SMAD3: variants seen among roughly 807,000 people sequenced by gnomAD.
The protein encoded by SMAD3 is SMAD family member 3, also known as MAD homolog 3.
In SMAD3, 12 loss-of-function variants were observed where a neutral mutation model predicts 51.8. The observed-to-expected ratio is 0.23, with a 90% CI of 0.15 to 0.38. The LOEUF (loss-of-function observed/expected upper bound fraction) is 0.38, where lower values mean the gene tolerates loss of function less well. Ranked by LOEUF, SMAD3 falls within the 10% of genes least tolerant of loss-of-function variation. The probability of loss-of-function intolerance (pLI) is 1.00; values close to 1 mark genes in which losing one functional copy is unlikely to be tolerated. For missense variants in SMAD3, 294 were observed against 565.6 expected (o/e 0.52, Z 4.87); for synonymous variants, 238 against 227.7 (o/e 1.05, Z -0.41).
In SMAD3 at chr15:67,193,231, G is replaced by A. The variant is rs978378935; in HGVS notation, c.*2695G>A. 8.6e-6 allele frequency: 2 copies of A among 233,332 alleles called. No individual in the cohort carries two copies. The highest frequency in any genetic ancestry group is 1.7e-5 in the Non-Finnish European group (2 of 118,072). 14.5% of individuals were successfully genotyped at this position (233,332 alleles called of 1,614,324 possible). A position where few individuals can be genotyped will look rare whatever the true frequency, so the allele number is the denominator to read the frequency against. On this transcript the variant is annotated 3_prime_UTR_variant, in exon 9 of 9. Coordinates refer to ENST00000327367, the MANE Select transcript of SMAD3 (RefSeq NM_005902.4). ...AGGAAACCAGGGCAGTTCTAGAGGAGTGCTGGTGACTGGATAGCAGTTTTA... is the reference window on the plus strand; with the variant it reads ...AGGAAACCAGGGCAGTTCTAGAGGAATGCTGGTGACTGGATAGCAGTTTTA...
chr15:67,131,743 C>T (rs1013896138), intron 1 of SMAD3, among the ~76,000 whole-genome samples: 1 of 152,128 alleles, frequency 6.6e-6, no homozygotes, highest in African/African-American at 2.4e-5. Flanking sequence ...AAATGAAGCC[C>T]GATTTGCCAG....
intron 1 of SMAD3, among the ~76,000 whole-genome samples, chr15:67,103,127 C>T (rs117584337): frequency 0.025 from 3,818 of 152,222 alleles, 99 homozygotes; most frequent in Admixed American, 0.076. Flanking sequence ...TTCATCTGCC[C>T]AAATTTGATT....
intron 1 of SMAD3, among the ~76,000 whole-genome samples, chr15:67,158,852 C>G (rs1333312912): frequency 6.6e-6 from 1 of 152,160 alleles, no homozygotes; most frequent in Non-Finnish European, 1.5e-5. Context: ...TTGTTGAGGA[C>G]CTACCGTGTT....
chr15:67,076,347 G>A (rs1344804461), intron 1 of SMAD3, among the ~76,000 whole-genome samples: 1 of 152,200 alleles, frequency 6.6e-6, no homozygotes, highest in Non-Finnish European at 1.5e-5. Flanking sequence ...CTGGGGCGGG[G>A]GATGGGTAAG....
chr15:67,111,461 A>G (rs899136066), intron 1 of SMAD3, among the ~76,000 whole-genome samples: 4 of 152,182 alleles, frequency 2.6e-5, no homozygotes, highest in Non-Finnish European at 4.4e-5. Flanking sequence ...ATTTGTGTAC[A>G]AGCTTTTTTT....
rs569141431 is a variant in SMAD3, at chr15:67,107,107, A to C, written c.206+40747A>C. 5.7e-4 allele frequency among the ~76,000 whole-genome samples: 86 copies of C among 152,158 alleles called. 1 individual carries two copies. Among genetic ancestry groups the C allele is most frequent in the Admixed American group, 1.1e-3 (17 of 15,296 alleles). On this transcript the variant is annotated intron_variant, in intron 1 of 8. Transcript: ENST00000327367. The stretch of plus-strand genomic sequence containing the variant: ...CTCTCTCCCACCCAGGGCTCAGCAC[A>C]GTACCTGGAACAGTCAAGCCCTCAA...
intron 6 of SMAD3, among the ~76,000 whole-genome samples, chr15:67,183,031 A>ATATTTTTTTTTTTT (rs1156620400): frequency 3.4e-5 from 1 of 29,698 alleles, no homozygotes; most frequent in African/African-American, 1.7e-4. Flanking sequence ...ATATATATAT[A>ATATTTTTTTTTTTT]TTTTTTTTTT....
At chr15:67,068,039 A>G (rs1959968323) in intron 1 of SMAD3, among the ~76,000 whole-genome samples, 1 of 152,200 alleles carries the variant, frequency 6.6e-6, no homozygotes, top group Non-Finnish European at 1.5e-5. Flanking sequence ...TATCAATTGT[A>G]AAACAGGCAG....
intron 4 of SMAD3, among the ~76,000 whole-genome samples, chr15:67,167,865 A>T (rs906017493): frequency 6.6e-6 from 1 of 152,176 alleles, no homozygotes; most frequent in Non-Finnish European, 1.5e-5. Context: ...TTCCATTCCG[A>T]TGGTGGTGGG....
At chr15:67,102,087 G>C (rs1199712234) in intron 1 of SMAD3, among the ~76,000 whole-genome samples, 1 of 152,198 alleles carries the variant, frequency 6.6e-6, no homozygotes, top group African/African-American at 2.4e-5. Context: ...TGTGTGAGTA[G>C]AACCAGGTCC....
Position 67,125,566 on chromosome 15 carries a change from T to C in SMAD3, c.207-39329T>C, listed in dbSNP as rs182586272. ...GGAGTTAACCACTTTTTAGGCGTTA[T>C]TGGGCCTTTTCACTTTAATAGCTTA... On this transcript the variant is annotated intron_variant, in intron 1 of 8. Coordinates refer to ENST00000327367, the MANE Select transcript of SMAD3 (RefSeq NM_005902.4). 30 of 301,678 alleles carry C rather than the reference T, an allele frequency of 9.9e-5. 1 individual carries two copies. In the East Asian group the frequency reaches 4.4e-3, roughly 44 times the overall value. The allele number at this position is 301,678 out of a possible 1,614,324, so 18.7% of individuals were successfully genotyped here.
intron 1 of SMAD3, among the ~76,000 whole-genome samples, chr15:67,083,499 T>TG (rs914921400): frequency 6.6e-6 from 1 of 152,248 alleles, no homozygotes; most frequent in African/African-American, 2.4e-5. Context: ...TTGGCCACTG[T>TG]GTTTTTTTAT....
chr15:67,078,634 G>C (rs1960219662), intron 1 of SMAD3, among the ~76,000 whole-genome samples: 1 of 152,190 alleles, frequency 6.6e-6, no homozygotes, highest in Non-Finnish European at 1.5e-5. Flanking sequence ...GGTTTAAGTT[G>C]CTGGGTTTTT....
chr15:67,165,227 A>G, intron 2 of SMAD3, 26 bp from the exon 3 acceptor site: 6 of 1,613,966 alleles, frequency 3.7e-6, no homozygotes, highest in Non-Finnish European at 5.1e-6. Context: ...ACACTGAGCC[A>G]CCTCTGCTCT....
chr15:67,136,583 A>T (rs1961669391), intron 1 of SMAD3, among the ~76,000 whole-genome samples: 1 of 152,118 alleles, frequency 6.6e-6, no homozygotes, highest in Non-Finnish European at 1.5e-5. Context: ...TGCCCACCTC[A>T]GCCTCCCAAA....
chr15:67,129,546 T>C (rs1370135644), intron 1 of SMAD3, among the ~76,000 whole-genome samples: 1 of 152,246 alleles, frequency 6.6e-6, no homozygotes, highest in African/African-American at 2.4e-5. Context: ...GTCTTGGGTG[T>C]ACATGCACAG....
intron 1 of SMAD3, among the ~76,000 whole-genome samples, chr15:67,119,597 C>G (rs543345135): frequency 1.3e-5 from 2 of 152,314 alleles, no homozygotes; most frequent in East Asian, 3.9e-4. Context: ...TGAATTATCT[C>G]AGACTTGCCA....
At chr15:67,092,875 C>G (rs1054557681) in intron 1 of SMAD3, among the ~76,000 whole-genome samples, 1 of 152,154 alleles carries the variant, frequency 6.6e-6, no homozygotes, top group African/African-American at 2.4e-5. Context: ...GTTGGGTCTT[C>G]TGGAGCTTTG....
At chr15:67,097,691 A>G (rs904961640) in intron 1 of SMAD3, among the ~76,000 whole-genome samples, 26 of 152,138 alleles carry the variant, frequency 1.7e-4, no homozygotes, top group African/African-American at 6.3e-4. Context: ...GGGGAGGAGT[A>G]ATCATTGTGT....
Sources: allele counts gnomAD v4.1 joint callset (sites outside exome capture counted in the v4.1 genomes callset), GRCh38; gene constraint gnomAD v4.1.1; transcripts MANE v1.5; gene names NCBI Gene and HGNC (gene_info 2026-07-23, HGNC 2026-07-21).